The following C1QTNF3 variants were observed in gnomAD, a reference collection of about 807,000 sequenced individuals.
C1QTNF3 encodes the protein C1q and TNF related 3.
C1QTNF3 carries 26 observed loss-of-function variants against 32.6 expected under a neutral mutation model. The ratio of observed to expected loss-of-function variants is 0.80; its 90% CI spans 0.58 to 1.11. The LOEUF is 1.11. Among genes scored for constraint, C1QTNF3 ranks in the 50% least tolerant of loss-of-function variants. The pLI is 0.00. For synonymous variants in C1QTNF3, 155 were observed against 146.0 expected (o/e 1.06, Z -0.44); for missense variants, 362 against 398.2 (o/e 0.91, Z 0.77).
At chr5:34,212,455 C>G in the C1QTNF3 span, among the ~76,000 whole-genome samples, 6 of 151,838 alleles carry the variant, frequency 4.0e-5, no homozygotes, top group East Asian at 1.9e-4. Context: ...ACTACCATCA[C>G]AGTGAACAGG....
chr5:34,065,934 G>GC, the C1QTNF3 span, among the ~76,000 whole-genome samples: 2 of 152,160 alleles, frequency 1.3e-5, no homozygotes, highest in Non-Finnish European at 1.5e-5. Flanking sequence ...CAACCTAGGT[G>GC]CCCATCAGTG....
the C1QTNF3 span, among the ~76,000 whole-genome samples, chr5:34,140,222 T>C: frequency 5.9e-5 from 9 of 152,344 alleles, no homozygotes; most frequent in East Asian, 1.5e-3. Context: ...TTAGAATCTT[T>C]ATTCTAGGAT....
the C1QTNF3 span, among the ~76,000 whole-genome samples, chr5:34,126,390 G>A: frequency 6.7e-6 from 1 of 149,744 alleles, no homozygotes; most frequent in Non-Finnish European, 1.5e-5. Context: ...TATATTTACT[G>A]CATTAAATAC....
chr5:34,090,699 C>T, the C1QTNF3 span, among the ~76,000 whole-genome samples: 3 of 152,082 alleles, frequency 2.0e-5, no homozygotes, highest in East Asian at 3.9e-4. Flanking sequence ...AGCGTGGAGC[C>T]CTAATTAATG....
chr5:34,213,189 A>G, the C1QTNF3 span, among the ~76,000 whole-genome samples: 1 of 152,174 alleles, frequency 6.6e-6, no homozygotes, highest in African/African-American at 2.4e-5. Context: ...TACATCAATA[A>G]GAGACAGCAT....
chr5:34,146,515 CACTT>C, the C1QTNF3 span, among the ~76,000 whole-genome samples: 13 of 152,132 alleles, frequency 8.5e-5, no homozygotes, highest in Non-Finnish European at 1.5e-4. Flanking sequence ...TAAAGACTCA[CACTT>C]ACAATCACCT....
chr5:34,145,678 C>CAAAAAAAAAAA, the C1QTNF3 span, among the ~76,000 whole-genome samples: 1 of 96,944 alleles, frequency 1.0e-5, no homozygotes. Flanking sequence ...AGAGACACAG[C>CAAAAAAAAAAA]AAAAAAAAAA....
At chr5:34,161,937 T>C in the C1QTNF3 span, among the ~76,000 whole-genome samples, 1 of 152,174 alleles carries the variant, frequency 6.6e-6, no homozygotes, top group African/African-American at 2.4e-5. Context: ...AACCATTTAA[T>C]TTTTTTAACG....
At chr5:34,038,774 C>T (rs1230344932) in intron 1 of C1QTNF3, among the ~76,000 whole-genome samples, 1 of 152,110 alleles carries the variant, frequency 6.6e-6, no homozygotes, top group African/African-American at 2.4e-5. Flanking sequence ...CCTCTGTTCA[C>T]AGTAAATTTC....
chr5:34,105,657 A>G, the C1QTNF3 span: 19 of 152,116 alleles, frequency 1.2e-4, no homozygotes, highest in South Asian at 2.1e-4. Context: ...TTTTCTTTCA[A>G]TTTCATGGGT....
chr5:34,242,423 T>C, the C1QTNF3 span, among the ~76,000 whole-genome samples: 1 of 152,122 alleles, frequency 6.6e-6, no homozygotes, highest in Non-Finnish European at 1.5e-5. Context: ...AGGCACCCTA[T>C]TCAATAAATG....
chr5:34,206,577 AGTAAATAGTG>A, the C1QTNF3 span, among the ~76,000 whole-genome samples: 1 of 139,788 alleles, frequency 7.2e-6, no homozygotes, highest in Admixed American at 7.5e-5. Flanking sequence ...CAAAATTCAA[AGTAAATAGTG>A]GTAAGGTGGG....
At chr5:34,176,017 A>C in the C1QTNF3 span, 1 of 675,812 alleles carries the variant, frequency 1.5e-6, no homozygotes, top group Non-Finnish European at 2.7e-6. Context: ...TTAGATAAAA[A>C]TAAAGATCCA....
the C1QTNF3 span, among the ~76,000 whole-genome samples, chr5:34,169,865 T>TA: frequency 6.6e-6 from 1 of 152,124 alleles, no homozygotes; most frequent in Admixed American, 6.5e-5. Flanking sequence ...AAGAAAACAG[T>TA]ATGGCGGTTC....
At chr5:34,063,399 A>C in the C1QTNF3 span, among the ~76,000 whole-genome samples, 1 of 148,308 alleles carries the variant, frequency 6.7e-6, no homozygotes, top group Non-Finnish European at 1.5e-5. Flanking sequence ...TCCTCGACTT[A>C]CTCAATTTGC....
At chr5:34,232,516 T>C in the C1QTNF3 span, among the ~76,000 whole-genome samples, 4 of 152,112 alleles carry the variant, frequency 2.6e-5, no homozygotes, top group Non-Finnish European at 4.4e-5. Context: ...GACTGGATCA[T>C]GGGAGCAGAT....
At chr5:34,242,003 A>G in the C1QTNF3 span, among the ~76,000 whole-genome samples, 8 of 149,230 alleles carry the variant, frequency 5.4e-5, no homozygotes, top group South Asian at 1.3e-3. Flanking sequence ...GAAGGAAGGA[A>G]GGAAATTTTG....
the C1QTNF3 span, among the ~76,000 whole-genome samples, chr5:34,110,853 C>T: frequency 3.9e-5 from 6 of 152,106 alleles, no homozygotes; most frequent in Non-Finnish European, 8.8e-5. Flanking sequence ...TAGCCTGCTT[C>T]TGCACCCACT....
chr5:34,083,370 T>C, the C1QTNF3 span, among the ~76,000 whole-genome samples: 1 of 151,656 alleles, frequency 6.6e-6, no homozygotes, highest in African/African-American at 2.4e-5. Context: ...AATATGTAAA[T>C]CTTCAAGTAC....
Sources: allele counts gnomAD v4.1 joint callset (sites outside exome capture counted in the v4.1 genomes callset), GRCh38; gene constraint gnomAD v4.1.1; transcripts MANE v1.5; gene names NCBI Gene and HGNC (gene_info 2026-07-23, HGNC 2026-07-21).